Variants in PACRG observed in about 807,000 individuals in gnomAD.
PACRG encodes parkin coregulated, also known as parkin coregulated gene protein.
PACRG carries 29 observed loss-of-function variants against 29.7 expected under a neutral mutation model. The ratio of observed to expected loss-of-function variants is 0.98; its 90% CI spans 0.73 to 1.33. The LOEUF (loss-of-function observed/expected upper bound fraction) is 1.33, where lower values mean the gene tolerates loss of function less well. Among genes scored for constraint, PACRG ranks in the 40% most tolerant of loss-of-function variants. The pLI, the probability that PACRG is intolerant of heterozygous loss-of-function variation, is 0.00. For synonymous variants in PACRG, 116 were observed against 118.7 expected (o/e 0.98, Z 0.15); for missense variants, 279 against 316.2 (o/e 0.88, Z 0.89).
intron 4 of PACRG, among the ~76,000 whole-genome samples, chr6:163,155,108 C>T (rs1388043032): frequency 2.6e-5 from 4 of 152,200 alleles, no homozygotes; most frequent in Non-Finnish European, 5.9e-5. Flanking sequence ...CTCTTCTATA[C>T]AAAACTCTCA....
intron 2 of PACRG, among the ~76,000 whole-genome samples, chr6:162,982,034 T>A (rs1802480057): frequency 6.6e-6 from 1 of 151,852 alleles, no homozygotes; most frequent in African/African-American, 2.4e-5. Context: ...GGTTGTATAT[T>A]TCCAGGAATT....
chr6:163,204,319 T>C (rs1402671071), intron 4 of PACRG, among the ~76,000 whole-genome samples: 1 of 152,252 alleles, frequency 6.6e-6, no homozygotes, highest in African/African-American at 2.4e-5. Context: ...CCTTTCCTTA[T>C]AAATTTGAAT....
intron 2 of PACRG, among the ~76,000 whole-genome samples, chr6:162,984,590 CCA>C (rs1284464808): frequency 1.3e-5 from 2 of 151,988 alleles, no homozygotes; most frequent in East Asian, 3.9e-4. Context: ...TGAGGAATCT[CCA>C]CACTGTTTTT....
chr6:163,084,784 A>G (rs1813392024), intron 3 of PACRG, among the ~76,000 whole-genome samples: 1 of 147,056 alleles, frequency 6.8e-6, no homozygotes, highest in South Asian at 2.2e-4. Flanking sequence ...AGGTATAGAC[A>G]TGGACATAAA....
intron 4 of PACRG, chr6:163,191,645 A>G (rs1051109282): frequency 4.4e-6 from 2 of 456,134 alleles, no homozygotes; most frequent in African/African-American, 2.0e-5. Context: ...GCACTCCACC[A>G]GGTGACTTAT....
intron 1 of PACRG, among the ~76,000 whole-genome samples, chr6:162,770,349 G>A (rs1049833999): frequency 1.3e-5 from 2 of 152,150 alleles, no homozygotes; most frequent in East Asian, 3.8e-4. Context: ...CTATCTGACT[G>A]AACCTTGAAC....
intron 4 of PACRG, among the ~76,000 whole-genome samples, chr6:163,253,432 GT>G (rs370155478): frequency 3.9e-5 from 6 of 152,068 alleles, no homozygotes; most frequent in African/African-American, 1.4e-4. Context: ...GCATTTTAAA[GT>G]TTCAGAACAA....
chr6:163,135,741 T>C (rs1816908302), intron 4 of PACRG, among the ~76,000 whole-genome samples: 1 of 152,216 alleles, frequency 6.6e-6, no homozygotes, highest in African/African-American at 2.4e-5. Context: ...CAAATGGCTC[T>C]CCGATCTACA....
At chr6:163,095,287 G>A (rs909033065) in intron 4 of PACRG, 3 of 985,220 alleles carry the variant, frequency 3.0e-6, no homozygotes, top group African/African-American at 3.5e-5. Context: ...GGGGAGTGGG[G>A]TCAGTCACAA....
At chr6:162,963,392 T>C (rs1404508776) in intron 2 of PACRG, among the ~76,000 whole-genome samples, 1 of 152,044 alleles carries the variant, frequency 6.6e-6, no homozygotes, top group Admixed American at 6.6e-5. Flanking sequence ...AAAACTCTCA[T>C]GGGTCACAAA....
intron 1 of PACRG, among the ~76,000 whole-genome samples, chr6:162,807,376 T>G (rs995368361): frequency 1.3e-5 from 2 of 152,194 alleles, no homozygotes; most frequent in Non-Finnish European, 2.9e-5. Flanking sequence ...CAATATGCCT[T>G]CTTCACTGAG....
intron 1 of PACRG, among the ~76,000 whole-genome samples, chr6:162,778,665 T>C (rs1383257431): frequency 6.6e-6 from 1 of 152,180 alleles, no homozygotes; most frequent in Admixed American, 6.5e-5. Context: ...TTCAAATGCA[T>C]TAACTTTCCC....
intron 3 of PACRG, among the ~76,000 whole-genome samples, chr6:163,074,138 C>T (rs1812327133): frequency 6.6e-6 from 1 of 152,122 alleles, no homozygotes; most frequent in Non-Finnish European, 1.5e-5. Flanking sequence ...TATTGCAGCA[C>T]TATTCACAAT....
chr6:162,838,046 T>C (rs1474272257), intron 2 of PACRG, among the ~76,000 whole-genome samples: 2 of 152,244 alleles, frequency 1.3e-5, no homozygotes, highest in Non-Finnish European at 2.9e-5. Flanking sequence ...AAAAAGTTTC[T>C]ACCAGAAGGA....
intron 2 of PACRG, chr6:163,016,299 A>C (rs760127413): frequency 1.2e-4 from 19 of 152,214 alleles, no homozygotes; most frequent in African/African-American, 1.9e-4. Flanking sequence ...TGGGCAAGAT[A>C]TAATTTTTTA....
At chr6:163,218,246 G>A (rs2128157976) in intron 4 of PACRG, among the ~76,000 whole-genome samples, 1 of 152,232 alleles carries the variant, frequency 6.6e-6, no homozygotes, top group East Asian at 1.9e-4. Flanking sequence ...TCGTATGATG[G>A]ATACAGCAAT....
intron 4 of PACRG, among the ~76,000 whole-genome samples, chr6:163,143,245 TA>T (rs1777627682): frequency 1.3e-5 from 2 of 152,052 alleles, no homozygotes; most frequent in Admixed American, 6.5e-5. Context: ...AAAAAGTTCA[TA>T]AAAAAATAAA....
At chr6:163,309,661 G>A (rs978521139) in intron 4 of PACRG, among the ~76,000 whole-genome samples, 2 of 152,166 alleles carry the variant, frequency 1.3e-5, no homozygotes, top group Non-Finnish European at 2.9e-5. Flanking sequence ...AGTTTCCCAA[G>A]TTAGTGTTTC....
intron 2 of PACRG, among the ~76,000 whole-genome samples, chr6:163,035,384 C>T (rs1180874839): frequency 6.6e-6 from 1 of 151,994 alleles, no homozygotes; most frequent in East Asian, 1.9e-4. Context: ...CACGGTGGCT[C>T]ATGCCTATAA....
Sources: gnomAD v4.1 joint callset for allele counts (sites outside exome capture counted in the v4.1 genomes callset) on GRCh38, gnomAD v4.1.1 for gene constraint, MANE v1.5 for transcripts, NCBI Gene and HGNC (gene_info 2026-07-23, HGNC 2026-07-21) for gene names.